NRXN2: variants seen among roughly 807,000 people sequenced by gnomAD.
The protein encoded by NRXN2 is neurexin-2-beta.
A neutral mutation model predicts 128.8 loss-of-function variants in NRXN2; 29 were observed. The observed-to-expected ratio is 0.23, with a 90% CI of 0.17 to 0.31. The LOEUF (loss-of-function observed/expected upper bound fraction) is 0.31. Among genes scored for constraint, NRXN2 ranks in the 10% least tolerant of loss-of-function variants. NRXN2 has a pLI of 1.00. For synonymous variants in NRXN2, 1,098 were observed against 1,075.2 expected, an observed-to-expected ratio of 1.02 and a Z score of -0.41; for missense variants, 1,881 against 2,452.6, an observed-to-expected ratio of 0.77 and a Z score of 4.92.
intron 12 of NRXN2, among the ~76,000 whole-genome samples, chr11:64,652,367 C>T (rs552070210): frequency 3.9e-5 from 6 of 152,238 alleles, no homozygotes; most frequent in East Asian, 3.9e-4. Context: ...TCCATGCACA[C>T]GCAGAGCTTT....
At chr11:64,649,811 G>A (rs2135449662) in intron 15 of NRXN2, among the ~76,000 whole-genome samples, 1 of 152,228 alleles carries the variant, frequency 6.6e-6, no homozygotes, top group East Asian at 1.9e-4. Context: ...GTAGGCTCTG[G>A]AGAAGCTGCA....
intron 2 of NRXN2, chr11:64,712,723 C>G (rs887281226): frequency 1.5e-6 from 1 of 656,482 alleles, no homozygotes; most frequent in Non-Finnish European, 2.9e-6. Context: ...AGGCTGCCCA[C>G]AGGTCGCCGC....
chr11:64,667,535 C>T lies in NRXN2; in HGVS notation c.1513G>A (p.Ala505Thr). Residue 505 changes from alanine (A) to threonine (T), a missense_variant, in exon 9 of 23, where the codon GCG becomes ACG. Transcript: ENST00000265459. The surrounding 1 kb of genome is among the most constrained non-coding windows in gnomAD (Gnocchi z 5.6). ...CGCTTAGCGCTCCAGCGGGGCAGCGCCACAAAGGCCTCGGGACTCTCAAAG... is the reference window on the plus strand; with the variant it reads ...CGCTTAGCGCTCCAGCGGGGCAGCGTCACAAAGGCCTCGGGACTCTCAAAG... ...VTFESPEAFV[A>T]LPRWSAKRTG... is the part of the protein sequence containing the mutation. 1.9e-6 allele frequency: 3 copies of T among 1,614,152 alleles called. No individual in the cohort carries two copies. Among genetic ancestry groups the T allele is most frequent in the Non-Finnish European group, 2.5e-6 (3 of 1,180,006 alleles).
chr11:64,662,289 G>A (rs1450399210), intron 9 of NRXN2, among the ~76,000 whole-genome samples: 1 of 151,584 alleles, frequency 6.6e-6, no homozygotes, highest in Non-Finnish European at 1.5e-5. Flanking sequence ...GGAGAAGAAG[G>A]AGAAGAAGAA....
At chr11:64,704,746 G>C (rs1010398830) in intron 2 of NRXN2, among the ~76,000 whole-genome samples, 3 of 151,670 alleles carry the variant, frequency 2.0e-5, no homozygotes, top group Non-Finnish European at 4.4e-5. Flanking sequence ...TAAGAATTCA[G>C]AAGTACAGCA....
intron 7 of NRXN2, among the ~76,000 whole-genome samples, chr11:64,671,532 G>GC (rs2050630653): frequency 6.6e-6 from 1 of 152,148 alleles, no homozygotes; most frequent in Admixed American, 6.5e-5. Flanking sequence ...GGTGGGGCCG[G>GC]TGGGGGAGGA....
In NRXN2 at chr11:64,611,869, G is replaced by A. The variant is rs150556807; in HGVS notation, c.4253-3787C>T. Among the ~76,000 whole-genome samples the A allele has an allele frequency of 1.1e-4, 16 of 152,070 alleles. No homozygotes were observed. The South Asian group carries it at 2.3e-3, about 22-fold the overall frequency. On this transcript the variant is annotated intron_variant, in intron 22 of 22. Coordinates refer to ENST00000265459, the MANE Select transcript of NRXN2 (RefSeq NM_015080.4). ...TCTCTGCCCAAGGCTTTGACTGTAC[G>A]ATCTCCTGAGGTGTCCTCCCCTCAC... is the stretch of plus-strand genomic sequence containing the variant.
rs199834213 is a variant in NRXN2 at position 64,667,594 on chromosome 11, C to T, written c.1454G>A (p.Arg485His). ...GTCCAGGGCAGCCACATCCTCACAGCGGAATGACAAGTCCCCCTGCAGCTT... is the reference window on the plus strand; with the variant it reads ...GTCCAGGGCAGCCACATCCTCACAGTGGAATGACAAGTCCCCCTGCAGCTT... ...KMKLQGDLSF[R>H]CEDVAALDPV... Residue 485 changes from arginine to histidine, a missense_variant, in exon 9 of 23, where the codon CGC becomes CAC. Arg to His is a conservative substitution (Grantham distance 29). Coordinates refer to ENST00000265459, the MANE Select transcript of NRXN2 (RefSeq NM_015080.4). This position sits in a 1 kb window ranked among gnomAD's most constrained non-coding sequence, Gnocchi z 5.6. 4.3e-6 allele frequency: 7 copies of T among 1,614,204 alleles called. No homozygotes were observed. The East Asian group carries it at 1.1e-4, about 26-fold the overall frequency.
At chr11:64,629,628 C>T (rs965877027) in intron 19 of NRXN2, among the ~76,000 whole-genome samples, 1 of 152,162 alleles carries the variant, frequency 6.6e-6, no homozygotes, top group Non-Finnish European at 1.5e-5. Context: ...TTGTCCTTGG[C>T]CGCCACAGCT....
At chr11:64,707,042 C>T (rs1222161650) in intron 2 of NRXN2, among the ~76,000 whole-genome samples, 1 of 151,174 alleles carries the variant, frequency 6.6e-6, no homozygotes, top group Non-Finnish European at 1.5e-5. Context: ...ACCTCCACCT[C>T]CTGGGTTCAA....
At position 64,607,213 on chromosome 11, in the gene NRXN2, T is replaced by C; in HGVS notation, c.5122A>G (p.Lys1708Glu). Residue 1708 changes from lysine to glutamate, a missense_variant, in exon 23 of 23, where the codon AAG becomes GAG. This residue lies in a region of NRXN2 where 63 missense variants were observed against 76.0 expected (regional missense o/e 0.83). Transcript: ENST00000265459. ...CCGGGGGCTCAGACATAATACTCCT[T>C]GTCTTTGTTCTTCTTGGCCTTGCTG... ...TPSKAKKNKD[K>E]EYYV 3 of 1,613,050 alleles carry C rather than the reference T, an allele frequency of 1.9e-6. No homozygotes were observed. The highest frequency in any genetic ancestry group is 2.5e-6 in the Non-Finnish European group (3 of 1,179,720).
In NRXN2 at chr11:64,667,108, C is replaced by A. The variant is rs984349562; in HGVS notation, c.1798+142G>T. The stretch of plus-strand genomic sequence containing the variant: ...ATGACAGAAAGGACAATTGGGAAGA[C>A]GTGAGGGGGGTGGAGGAGAAGCGGC... On this transcript the variant is annotated intron_variant, in intron 9 of 22. Coordinates refer to ENST00000265459, the MANE Select transcript of NRXN2 (RefSeq NM_015080.4). The surrounding 1 kb of genome is among the most constrained non-coding windows in gnomAD (Gnocchi z 5.6). 1 of 851,026 alleles carries A rather than the reference C, an allele frequency of 1.2e-6. No individual in the cohort carries two copies. The highest frequency in any genetic ancestry group is 2.7e-5 in the East Asian group (1 of 37,492). The allele number at this position is 851,026 out of a possible 1,614,324, so 52.7% of individuals were successfully genotyped here.
At chr11:64,719,197 A>G (rs2057373179) in intron 1 of NRXN2, among the ~76,000 whole-genome samples, 1 of 152,108 alleles carries the variant, frequency 6.6e-6, no homozygotes, top group African/African-American at 2.4e-5. Flanking sequence ...GTTTCCTCTG[A>G]TCCTCACCAG....
intron 8 of NRXN2, 132 bp downstream of exon 8, chr11:64,668,311 G>C: frequency 8.8e-7 from 1 of 1,138,698 alleles, no homozygotes; most frequent in Non-Finnish European, 1.3e-6. Context: ...GTTTTAAAGA[G>C]GGGGTGTCTC....
At chr11:64,645,322 G>C (rs1204796178) in intron 17 of NRXN2, among the ~76,000 whole-genome samples, 3 of 152,152 alleles carry the variant, frequency 2.0e-5, no homozygotes, top group Non-Finnish European at 4.4e-5. Flanking sequence ...AGAGAGATGG[G>C]GGGGCCAAGG....
chr11:64,688,867 C>T (rs537207779), intron 5 of NRXN2: 141 of 954,478 alleles, frequency 1.5e-4, no homozygotes, highest in Admixed American at 3.1e-4. Flanking sequence ...CAGCGCCCCC[C>T]TCCGCCCTCC....
Position 64,630,432 on chromosome 11 carries a change from T to C in NRXN2, c.3727A>G (p.Ser1243Gly). Residue 1243 changes from serine to glycine, a missense_variant, in exon 19 of 23, where the codon AGC becomes GGC. Physicochemically the swap from Ser to Gly is moderately conservative, Grantham distance 56 (BLOSUM62 0). This residue lies in a region of NRXN2 where 390 missense variants were observed against 599.6 expected (regional missense o/e 0.65). Coordinates refer to ENST00000265459, the MANE Select transcript of NRXN2 (RefSeq NM_015080.4). The surrounding 1 kb of genome is among the most constrained non-coding windows in gnomAD (Gnocchi z 4.6). ...GGGTACCGCTCGTTGACCGGCCAGC[T>C]GTCCACCTGCAGGGTGGCGTTGCCG... ...SGGNATLQVD[S>G]WPVNERYPAG... 1 of 1,613,018 alleles carries C rather than the reference T, an allele frequency of 6.2e-7. No individual in the cohort carries two copies. The highest frequency in any genetic ancestry group is 1.3e-5 in the African/African-American group (1 of 75,024).
chr11:64,688,592 G>A, intron 5 of NRXN2: 1 of 985,354 alleles, frequency 1.0e-6, no homozygotes, highest in Non-Finnish European at 1.2e-6. Context: ...CCCCTATCTC[G>A]CCGGTCTGGC....
intron 22 of NRXN2, among the ~76,000 whole-genome samples, chr11:64,618,845 G>A (rs935775331): frequency 2.0e-5 from 3 of 152,166 alleles, no homozygotes; most frequent in Non-Finnish European, 2.9e-5. Context: ...CAGGCCCATG[G>A]GAATGACCCC....
Sources: allele counts gnomAD v4.1 joint callset (sites outside exome capture counted in the v4.1 genomes callset), GRCh38; gene constraint gnomAD v4.1.1; regional missense constraint gnomAD v4.1.1; non-coding constraint Gnocchi (gnomAD v3.1); transcripts MANE v1.5; gene names NCBI Gene and HGNC (gene_info 2026-07-23, HGNC 2026-07-21).